The following THADA variants were observed in gnomAD, a reference collection of about 807,000 sequenced individuals.
THADA encodes THADA armadillo repeat containing.
THADA carries 213 observed loss-of-function variants against 219.8 expected under a neutral mutation model. The ratio of observed to expected loss-of-function variants is 0.97; its 90% CI spans 0.87 to 1.09. THADA has a LOEUF of 1.09. THADA is among the 50% of genes least tolerant of loss of function. The probability of loss-of-function intolerance (pLI) is 0.00; values close to 1 mark genes in which losing one functional copy is unlikely to be tolerated. For missense variants in THADA, 2,956 were observed against 2,311.3 expected, an observed-to-expected ratio of 1.28 and a Z score of -5.72; for synonymous variants, 1,018 against 828.9, an observed-to-expected ratio of 1.23 and a Z score of -3.92.
rs187976311 is a variant in THADA at position 43,423,622 on chromosome 2, C to T, written c.4058+4478G>A. Among the ~76,000 whole-genome samples the T allele has an allele frequency of 4.5e-3, 691 of 152,066 alleles. 2 individuals carry two copies. Among genetic ancestry groups the T allele is most frequent in the South Asian group, 0.017 (80 of 4,802 alleles). On this transcript the variant is annotated intron_variant, in intron 28 of 37. Transcript: ENST00000405975. The stretch of plus-strand genomic sequence containing the variant: ...TAATTTTTTGTATTTTTGGTAGAGA[C>T]GAGGTTTCACCGTGTTAGCCAGGAT...
chr2:43,432,643 T>A (rs959218485), intron 26 of THADA, among the ~76,000 whole-genome samples: 10 of 152,150 alleles, frequency 6.6e-5, no homozygotes, highest in African/African-American at 2.2e-4. Flanking sequence ...AACAGTAAGG[T>A]AGATTTCTGA....
chr2:43,561,708 GCTT>G (rs1248882820), intron 15 of THADA, among the ~76,000 whole-genome samples: 2 of 152,036 alleles, frequency 1.3e-5, no homozygotes, highest in Non-Finnish European at 2.9e-5. Context: ...GCTCAGATTT[GCTT>G]CTTGTTTTCC....
At chr2:43,397,103 T>G (rs1347969847) in intron 29 of THADA, among the ~76,000 whole-genome samples, 1 of 152,154 alleles carries the variant, frequency 6.6e-6, no homozygotes, top group Non-Finnish European at 1.5e-5. Flanking sequence ...GGGGTAGATC[T>G]GAGATTCACA....
At chr2:43,526,245 TG>T (rs1693146734) in intron 22 of THADA, among the ~76,000 whole-genome samples, 1 of 152,242 alleles carries the variant, frequency 6.6e-6, no homozygotes, top group African/African-American at 2.4e-5. Flanking sequence ...CACAGATTAC[TG>T]GTATTCCTCC....
At chr2:43,382,888 C>T (rs13408002) in intron 29 of THADA, among the ~76,000 whole-genome samples, 15,352 of 151,990 alleles carry the variant, frequency 0.1, 940 homozygotes, top group African/African-American at 0.16. Context: ...ATTACTATAC[C>T]ACAAAAATGG....
chr2:43,280,739 G>C (rs972440416), intron 35 of THADA, among the ~76,000 whole-genome samples: 2 of 152,222 alleles, frequency 1.3e-5, no homozygotes, highest in African/African-American at 2.4e-5. Flanking sequence ...TCCACTATCT[G>C]ACTGCCATTA....
chr2:43,432,785 G>C (rs954542510), intron 26 of THADA, among the ~76,000 whole-genome samples: 3 of 152,106 alleles, frequency 2.0e-5, no homozygotes, highest in Admixed American at 1.3e-4. Context: ...TAATGACGTT[G>C]AGCACTTTTC....
At chr2:43,400,568 A>T (rs534852175) in intron 28 of THADA, among the ~76,000 whole-genome samples, 1 of 150,890 alleles carries the variant, frequency 6.6e-6, no homozygotes, top group South Asian at 2.1e-4. Flanking sequence ...TTTAGAATCT[A>T]ACGGTTAAGA....
intron 14 of THADA, 86 bp downstream of exon 14, chr2:43,570,302 G>T: frequency 7.7e-7 from 1 of 1,297,218 alleles, no homozygotes; most frequent in Non-Finnish European, 1.1e-6. Context: ...TTTACCAAGA[G>T]ACTTCCATTT....
chr2:43,314,774 T>C (rs908050465), intron 31 of THADA, among the ~76,000 whole-genome samples: 2 of 152,156 alleles, frequency 1.3e-5, no homozygotes, highest in Non-Finnish European at 2.9e-5. Flanking sequence ...TGATATATAC[T>C]AACGATGACA....
intron 15 of THADA, chr2:43,564,920 A>G (rs1698489074): frequency 6.6e-6 from 1 of 152,226 alleles, no homozygotes; most frequent in African/African-American, 2.4e-5. Flanking sequence ...GAGGCATAAT[A>G]ACAAAACGCA....
chr2:43,308,433 G>A (rs532874685), intron 31 of THADA, among the ~76,000 whole-genome samples: 72 of 151,050 alleles, frequency 4.8e-4, no homozygotes, highest in African/African-American at 1.7e-3. Context: ...GGCTGGGCAC[G>A]GTGGCTCACG....
At chr2:43,575,120 C>A in intron 10 of THADA, 93 bp from the exon 11 acceptor site, 5 of 1,003,890 alleles carry the variant, frequency 5.0e-6, no homozygotes, top group Admixed American at 2.8e-5. Context: ...ATATTAAATA[C>A]ACAGAATGAC....
chr2:43,394,075 T>G (rs1673728359), intron 29 of THADA, among the ~76,000 whole-genome samples: 1 of 152,244 alleles, frequency 6.6e-6, no homozygotes, highest in African/African-American at 2.4e-5. Context: ...GCAGCCCTGC[T>G]AGTGATGTTC....
At chr2:43,483,524 C>A (rs778734379) in intron 26 of THADA, among the ~76,000 whole-genome samples, 3 of 152,140 alleles carry the variant, frequency 2.0e-5, no homozygotes, top group Non-Finnish European at 2.9e-5. Context: ...AAAGCTCTCA[C>A]ATTCTTCACA....
chr2:43,365,843 T>C (rs1358669947), intron 29 of THADA, among the ~76,000 whole-genome samples: 1 of 152,034 alleles, frequency 6.6e-6, no homozygotes, highest in Non-Finnish European at 1.5e-5. Flanking sequence ...GGCCAGGGGG[T>C]AAAATTAAGA....
chr2:43,414,153 T>C (rs1020443024), intron 28 of THADA, among the ~76,000 whole-genome samples: 2 of 152,264 alleles, frequency 1.3e-5, no homozygotes, highest in Admixed American at 6.5e-5. Flanking sequence ...CCATAAATGA[T>C]TGGATGAGGT....
intron 23 of THADA, among the ~76,000 whole-genome samples, chr2:43,507,608 A>T (rs1573990475): frequency 6.6e-6 from 1 of 152,224 alleles, no homozygotes; most frequent in South Asian, 2.1e-4. Context: ...CCAAAAAATC[A>T]TAAAGGGATT....
intron 26 of THADA, among the ~76,000 whole-genome samples, chr2:43,470,413 G>A (rs921413143): frequency 1.8e-4 from 28 of 151,910 alleles, no homozygotes; most frequent in East Asian, 1.3e-3. Flanking sequence ...GGGGGGAAAC[G>A]AAATGTTTAA....
Sources: gnomAD v4.1 joint callset for allele counts (sites outside exome capture counted in the v4.1 genomes callset) on GRCh38, gnomAD v4.1.1 for gene constraint, MANE v1.5 for transcripts, NCBI Gene and HGNC (gene_info 2026-07-23, HGNC 2026-07-21) for gene names.